NDUFS1: variants seen among roughly 807,000 people sequenced by gnomAD.
The protein encoded by NDUFS1 is NADH-ubiquinone oxidoreductase 75 kDa subunit, mitochondrial.
NDUFS1 carries 61 observed loss-of-function variants against 84.4 expected under a neutral mutation model. The ratio of observed to expected loss-of-function variants is 0.72; its 90% CI spans 0.59 to 0.89. The LOEUF (loss-of-function observed/expected upper bound fraction) is 0.89. NDUFS1 is among the 40% of genes least tolerant of loss of function. The pLI is 0.00. For missense variants in NDUFS1, 891 were observed against 890.0 expected (o/e 1.00, Z -0.01); for synonymous variants, 275 against 290.0 (o/e 0.95, Z 0.53).
intron 14 of NDUFS1, among the ~76,000 whole-genome samples, chr2:206,131,076 T>A (rs990524567): frequency 6.6e-6 from 1 of 152,196 alleles, no homozygotes; most frequent in Non-Finnish European, 1.5e-5. Flanking sequence ...ATACTTTGAA[T>A]AGCAGGGTTG....
intron 4 of NDUFS1, among the ~76,000 whole-genome samples, 162 bp from the exon 5 acceptor site, chr2:206,149,258 A>G (rs1046699692): frequency 1.3e-5 from 2 of 152,234 alleles, no homozygotes; most frequent in East Asian, 1.9e-4. Flanking sequence ...TTAAGTTTTC[A>G]TATTCATAAT....
rs1692222135 is a variant in NDUFS1 at position 206,147,919 on chromosome 2, CTTTA to C, written c.339-89_339-86del. 8.6e-6 allele frequency: 11 copies of C among 1,279,948 alleles called. No homozygotes were observed. In the African/African-American group the frequency reaches 1.6e-4, roughly 19 times the overall value. The allele number at this position is 1,279,948 out of a possible 1,614,324, so 79.3% of individuals were successfully genotyped here. Reference sequence around the variant, plus strand: ...GCTGGCACTCAAAATGACCTATAGACTTTATTTTTTTTTTTTGAGATGGTGTCTC... The same window carrying C: ...GCTGGCACTCAAAATGACCTATAGACTTTTTTTTTTTTGAGATGGTGTCTC... On this transcript the variant is annotated intron_variant, in intron 5 of 18. Coordinates refer to ENST00000233190, the MANE Select transcript of NDUFS1 (RefSeq NM_005006.7).
At chr2:206,124,714 C>T (rs1691219424) in intron 18 of NDUFS1, among the ~76,000 whole-genome samples, 1 of 152,036 alleles carries the variant, frequency 6.6e-6, no homozygotes, top group African/African-American at 2.4e-5. Flanking sequence ...TGGCATATGC[C>T]TGTAGTCCCA....
rs1691356060 is a variant in NDUFS1, at chr2:206,127,917, A to G, written c.1764T>C (p.Ala588=). Residue 588 remains alanine (A), a synonymous_variant, in exon 16 of 19, where the codon GCT becomes GCC. Transcript: ENST00000233190. ...PIADVILPGA[A]YTEKSATYVN... Reference sequence around the variant, plus strand: ...CATATGTAGCAGACTTCTCTGTGTAAGCAGCTCCTGGGAGAATAACATCAG... The same window carrying G: ...CATATGTAGCAGACTTCTCTGTGTAGGCAGCTCCTGGGAGAATAACATCAG... 1 of 1,614,022 alleles carries G rather than the reference A, an allele frequency of 6.2e-7. No homozygotes were observed. The highest frequency in any genetic ancestry group is 1.1e-5 in the South Asian group (1 of 91,088).
chr2:206,131,663 C>A (rs1015127632), intron 14 of NDUFS1, among the ~76,000 whole-genome samples: 10 of 151,418 alleles, frequency 6.6e-5, no homozygotes, highest in African/African-American at 2.4e-4. Flanking sequence ...TTAGGCCGGG[C>A]GTGGTGGCTC....
At chr2:206,132,308 G>A (rs1575955424) in intron 14 of NDUFS1, among the ~76,000 whole-genome samples, 1 of 151,894 alleles carries the variant, frequency 6.6e-6, no homozygotes, top group South Asian at 2.1e-4. Flanking sequence ...TAAAGGCTAG[G>A]TGCAGTGGCT....
At chr2:206,138,380 C>T in intron 13 of NDUFS1, 105 bp downstream of exon 13, 3 of 1,373,926 alleles carry the variant, frequency 2.2e-6, no homozygotes, top group Non-Finnish European at 3.0e-6. Context: ...CGCGCCCAAC[C>T]TGGTGTAAGT....
At position 206,130,196 on chromosome 2, in the gene NDUFS1, C is replaced by T. The variant is rs201806038; in HGVS notation, c.1600G>A (p.Val534Met). 433 of 1,614,050 alleles carry T rather than the reference C, an allele frequency of 2.7e-4. 2 individuals are homozygous for T. The highest frequency in any genetic ancestry group is 1.6e-4 in the Middle Eastern group (1 of 6,084). ...AALDLGYKPG[V>M]EAIRKNPPKV... ...GGAGGGTTCTTCCGAATTGCTTCCA[C>T]CCCAGGCTTATAGCCAAGGTCCAAA... is the stretch of plus-strand genomic sequence containing the variant. The change falls in exon 15 of 19, where the codon GTG becomes ATG. Residue 534 changes from valine (V) to methionine (M), a missense_variant. Transcript: ENST00000233190.
intron 1 of NDUFS1, among the ~76,000 whole-genome samples, chr2:206,154,922 C>CTTTTTTTT (rs71034412): frequency 9.9e-6 from 1 of 100,826 alleles, no homozygotes; most frequent in African/African-American, 4.2e-5. Flanking sequence ...GTGCCCGGCC[C>CTTTTTTTT]TTTTTTTTTT....
Position 206,126,791 on chromosome 2 carries a change from C to T in NDUFS1, c.1938G>A (p.Leu646=). ...GAACAAGATTAGGAGAGACTTCTTCCAATCTGTTCCTTACTTGATCCAGAG... is the reference window on the plus strand; with the variant it reads ...GAACAAGATTAGGAGAGACTTCTTCTAATCTGTTCCTTACTTGATCCAGAG... ...YDTLDQVRNR[L]EEVSPNLVRY... The change falls in exon 17 of 19, where the codon TTG becomes TTA. Residue 646 remains leucine (L), a synonymous_variant. Coordinates refer to ENST00000233190, the MANE Select transcript of NDUFS1 (RefSeq NM_005006.7). The T allele has an allele frequency of 6.2e-7, 1 of 1,614,098 alleles. No individual in the cohort carries two copies. The highest frequency in any genetic ancestry group is 8.5e-7 in the Non-Finnish European group (1 of 1,179,974).
intron 15 of NDUFS1, 142 bp from the exon 16 acceptor site, chr2:206,128,114 T>A: frequency 2.3e-6 from 2 of 855,394 alleles, no homozygotes; most frequent in Non-Finnish European, 3.8e-6. Context: ...AGTAGTGAAG[T>A]AATAAAAATT....
intron 18 of NDUFS1, among the ~76,000 whole-genome samples, chr2:206,124,489 G>C (rs898933205): frequency 2.0e-5 from 3 of 151,992 alleles, no homozygotes; most frequent in East Asian, 1.9e-4. Flanking sequence ...AATAACTATA[G>C]AGCAGCTAGA....
intron 1 of NDUFS1, among the ~76,000 whole-genome samples, chr2:206,158,571 T>C (rs950398859): frequency 3.9e-5 from 6 of 152,192 alleles, no homozygotes; most frequent in African/African-American, 1.2e-4. Flanking sequence ...TTCCCGGATT[T>C]AAAAAGTGCA....
At chr2:206,145,805 A>G (rs899952114) in intron 8 of NDUFS1, among the ~76,000 whole-genome samples, 1 of 152,294 alleles carries the variant, frequency 6.6e-6, no homozygotes, top group East Asian at 1.9e-4. Flanking sequence ...TTTGGTACAG[A>G]TGGAGACAAC....
chr2:206,131,750 T>G (rs989401435), intron 14 of NDUFS1, among the ~76,000 whole-genome samples: 2 of 151,924 alleles, frequency 1.3e-5, no homozygotes, highest in Non-Finnish European at 2.9e-5. Context: ...CCATCCTGGC[T>G]AACACGGTGA....
intron 14 of NDUFS1, among the ~76,000 whole-genome samples, chr2:206,131,941 AAATAAT>A (rs768129947): frequency 3.3e-5 from 5 of 150,906 alleles, no homozygotes; most frequent in Non-Finnish European, 5.9e-5. Context: ...TTCATCTCAA[AAATAAT>A]AATAATAATA....
At chr2:206,157,228 G>A (rs1461743718) in intron 1 of NDUFS1, among the ~76,000 whole-genome samples, 1 of 152,194 alleles carries the variant, frequency 6.6e-6, no homozygotes, top group Non-Finnish European at 1.5e-5. Flanking sequence ...TGGGATTACA[G>A]ACGTGAGTCA....
intron 9 of NDUFS1, among the ~76,000 whole-genome samples, chr2:206,144,487 T>C (rs1249398924): frequency 1.3e-5 from 2 of 152,250 alleles, no homozygotes; most frequent in African/African-American, 4.8e-5. Context: ...TGAGTATCTC[T>C]AAATATTTTA....
At chr2:206,124,980 A>C (rs570701858) in intron 18 of NDUFS1, among the ~76,000 whole-genome samples, 2 of 152,326 alleles carry the variant, frequency 1.3e-5, no homozygotes, top group East Asian at 3.9e-4. Context: ...ATTATATTTC[A>C]ATAAAGCTAT....
Sources: gnomAD v4.1 joint callset for allele counts (sites outside exome capture counted in the v4.1 genomes callset) on GRCh38, gnomAD v4.1.1 for gene constraint, MANE v1.5 for transcripts, NCBI Gene and HGNC (gene_info 2026-07-23, HGNC 2026-07-21) for gene names.